Variants in ZNF326 observed in about 807,000 individuals in gnomAD.
ZNF326 encodes the protein DBIRD complex subunit ZNF326.
In ZNF326, 30 loss-of-function variants were observed where a neutral mutation model predicts 63.1. The observed-to-expected ratio is 0.48, with a 90% CI of 0.36 to 0.64. The LOEUF (loss-of-function observed/expected upper bound fraction) is 0.64, where lower values mean the gene tolerates loss of function less well. ZNF326 is among the 30% of genes least tolerant of loss of function. The probability of loss-of-function intolerance (pLI) is 0.00; values close to 1 mark genes in which losing one functional copy is unlikely to be tolerated. For missense variants in ZNF326, 609 were observed against 720.3 expected (o/e 0.85, Z 1.77); for synonymous variants, 194 against 228.2 (o/e 0.85, Z 1.35).
chr1:90,021,460 G>A (rs1019697486), intron 10 of ZNF326, among the ~76,000 whole-genome samples: 5 of 152,006 alleles, frequency 3.3e-5, no homozygotes, highest in African/African-American at 9.7e-5. Flanking sequence ...TTTAAAAACA[G>A]CATTATCAGC....
At chr1:90,022,383 T>C (rs369338015) in intron 11 of ZNF326, 38 bp downstream of exon 11, 8 of 1,413,430 alleles carry the variant, frequency 5.7e-6, no homozygotes, top group Non-Finnish European at 7.0e-6. Context: ...AATAATATTG[T>C]AGTATTGCAA....
Position 90,032,777 on chromosome 1 carries a change from A to C in ZNF326, c.*5076A>C, listed in dbSNP as rs927843564. On this transcript the variant is annotated 3_prime_UTR_variant, in exon 12 of 12. Coordinates refer to ENST00000340281, the MANE Select transcript of ZNF326 (RefSeq NM_182976.4). ...CTCTGACTCAGAGCTGCTGGTCCAC[A>C]GAATTCCTCTAAGCTAAAGCTGTAA... The C allele has an allele frequency of 3.3e-5, 5 of 152,310 alleles. No homozygotes were observed. Among genetic ancestry groups the C allele is most frequent in the African/African-American group, 1.2e-4 (5 of 41,466 alleles). The allele number at this position is 152,310 out of a possible 1,614,324, so 9.4% of individuals were successfully genotyped here.
rs972412509 is a variant in ZNF326 at position 90,032,606 on chromosome 1, C to T, written c.*4905C>T. 2.0e-5 allele frequency: 3 copies of T among 152,168 alleles called. No homozygotes were observed. The highest frequency in any genetic ancestry group is 6.6e-5 in the Admixed American group (1 of 15,266). 9.4% of individuals were successfully genotyped at this position (152,168 alleles called of 1,614,324 possible). On this transcript the variant is annotated 3_prime_UTR_variant, in exon 12 of 12. Transcript: ENST00000340281. ...GAAGATACAAAACAAGGAATTAGATCTTGGTGAAACCAAGAGAGCCAAGGA... is the reference window on the plus strand; with the variant it reads ...GAAGATACAAAACAAGGAATTAGATTTTGGTGAAACCAAGAGAGCCAAGGA...
At chr1:90,026,375 GGCTTC>G (rs1650018402) in intron 11 of ZNF326, among the ~76,000 whole-genome samples, 1 of 152,056 alleles carries the variant, frequency 6.6e-6, no homozygotes. Flanking sequence ...TTAAGACCCT[GGCTTC>G]ACCAATGCAC....
intron 2 of ZNF326, among the ~76,000 whole-genome samples, chr1:89,999,296 G>A (rs1217181686): frequency 2.6e-5 from 4 of 151,116 alleles, no homozygotes; most frequent in Admixed American, 2.0e-4. Context: ...AATGAATCCA[G>A]GATTTTAAAC....
At chr1:90,026,536 C>G (rs1650023933) in intron 11 of ZNF326, among the ~76,000 whole-genome samples, 1 of 152,128 alleles carries the variant, frequency 6.6e-6, no homozygotes, top group Admixed American at 6.5e-5. Flanking sequence ...CACTTCCTCC[C>G]CTTTTCCTTT....
chr1:90,018,643 C>A, intron 8 of ZNF326, 42 bp from the exon 9 acceptor site: 2 of 1,164,388 alleles, frequency 1.7e-6, no homozygotes, highest in South Asian at 1.4e-5. Context: ...TACTTGAGTG[C>A]TCATTGAAAG....
In ZNF326 at chr1:89,995,115, C is replaced by A. The variant is rs1446118264; in HGVS notation, c.-143C>A. 5 of 1,024,228 alleles carry A rather than the reference C, an allele frequency of 4.9e-6. No homozygotes were observed. The highest frequency in any genetic ancestry group is 5.1e-5 in the Admixed American group (2 of 39,046). The allele number at this position is 1,024,228 out of a possible 1,614,324, so 63.4% of individuals were successfully genotyped here. On this transcript the variant is annotated 5_prime_UTR_variant, in exon 1 of 12. Coordinates refer to ENST00000340281, the MANE Select transcript of ZNF326 (RefSeq NM_182976.4). The stretch of plus-strand genomic sequence containing the variant: ...CCGGTCGGCCCCGCCTCCCCAGCCT[C>A]GCTGTGGCCTGCGGCTCCCGGGCTG...
Position 90,035,385 on chromosome 1 carries a change from T to A in ZNF326, c.*7684T>A, listed in dbSNP as rs989861118. ...GAAAATCTGTATATAGAATATAGCA[T>A]TGGCCAATTGGAAATGTAATTTGAA... On this transcript the variant is annotated 3_prime_UTR_variant, in exon 12 of 12. Coordinates refer to ENST00000340281, the MANE Select transcript of ZNF326 (RefSeq NM_182976.4). The A allele has an allele frequency of 2.0e-5, 3 of 152,192 alleles. No homozygotes were observed. Among genetic ancestry groups the A allele is most frequent in the Admixed American group, 1.3e-4 (2 of 15,288 alleles). The allele number at this position is 152,192 out of a possible 1,614,324, so 9.4% of individuals were successfully genotyped here.
intron 5 of ZNF326, among the ~76,000 whole-genome samples, chr1:90,009,141 A>G (rs1311469959): frequency 6.6e-6 from 1 of 152,172 alleles, no homozygotes. Flanking sequence ...TTTTCATAAT[A>G]AACAAGTATT....
Position 90,007,642 on chromosome 1 carries a change from T to C in ZNF326, c.507T>C (p.Pro169=). ...CTTCACCCCATATGAAGCCTGCACC[T>C]GTAGGCTCTCGGGGGAGAGGAACGC... ...SFSSPHMKPA[P]VGSRGRGTPA... is the part of the protein sequence containing the mutation. Residue 169 remains proline, a synonymous_variant, in exon 5 of 12, where the codon CCT becomes CCC. Coordinates refer to ENST00000340281, the MANE Select transcript of ZNF326 (RefSeq NM_182976.4). The surrounding 1 kb of genome is among the most constrained non-coding windows in gnomAD (Gnocchi z 4.9). The C allele has an allele frequency of 4.5e-6, 7 of 1,558,500 alleles. No individual in the cohort carries two copies. Among genetic ancestry groups the C allele is most frequent in the Non-Finnish European group, 5.2e-6 (6 of 1,152,686 alleles).
chr1:90,013,796 G>T (rs578008593), intron 7 of ZNF326, among the ~76,000 whole-genome samples: 1 of 151,984 alleles, frequency 6.6e-6, no homozygotes, highest in Admixed American at 6.6e-5. Context: ...AGGCACAGTG[G>T]CTCATGCCTG....
At chr1:90,021,292 C>T (rs113410243) in intron 10 of ZNF326, among the ~76,000 whole-genome samples, 7 of 151,932 alleles carry the variant, frequency 4.6e-5, no homozygotes, top group African/African-American at 1.7e-4. Flanking sequence ...TTCAGGAAAT[C>T]GTAGCTTTTG....
intron 11 of ZNF326, among the ~76,000 whole-genome samples, chr1:90,026,261 C>T (rs1650011515): frequency 6.6e-6 from 1 of 152,166 alleles, no homozygotes; most frequent in Admixed American, 6.6e-5. Flanking sequence ...TCCTTCACTT[C>T]TAACTTCTGC....
intron 1 of ZNF326, among the ~76,000 whole-genome samples, chr1:89,996,519 T>A (rs984404454): frequency 1.3e-5 from 2 of 152,182 alleles, no homozygotes; most frequent in Non-Finnish European, 2.9e-5. Flanking sequence ...AGTAGCACAC[T>A]CTCGTGGTTT....
chr1:90,020,478 T>C (rs1649714895), intron 9 of ZNF326, among the ~76,000 whole-genome samples: 1 of 152,132 alleles, frequency 6.6e-6, no homozygotes, highest in African/African-American at 2.4e-5. Context: ...ATTCTTATTT[T>C]ACTACAAAAT....
chr1:90,004,473 A>C (rs1230275675), intron 2 of ZNF326, among the ~76,000 whole-genome samples: 1 of 152,246 alleles, frequency 6.6e-6, no homozygotes, highest in African/African-American at 2.4e-5. Flanking sequence ...AATAGGAATT[A>C]TGTATCATTA....
At chr1:90,001,800 C>A (rs927407266) in intron 2 of ZNF326, among the ~76,000 whole-genome samples, 2 of 152,020 alleles carry the variant, frequency 1.3e-5, no homozygotes, top group East Asian at 3.9e-4. Context: ...TCAGGTGATC[C>A]ACCCGCCTTG....
intron 2 of ZNF326, among the ~76,000 whole-genome samples, chr1:90,001,593 G>A (rs1448974116): frequency 6.9e-6 from 1 of 145,934 alleles, no homozygotes; most frequent in African/African-American, 2.5e-5. Context: ...CTCTCTTGTC[G>A]CCCAGGCTAG....
Sources: allele counts gnomAD v4.1 joint callset (sites outside exome capture counted in the v4.1 genomes callset), GRCh38; gene constraint gnomAD v4.1.1; non-coding constraint Gnocchi (gnomAD v3.1); transcripts MANE v1.5; gene names NCBI Gene and HGNC (gene_info 2026-07-23, HGNC 2026-07-21).